The following ARHGAP20 variants were observed in gnomAD, a reference collection of about 807,000 sequenced individuals.
ARHGAP20 encodes Rho GTPase activating protein 20, also known as rho GTPase-activating protein 20.
In ARHGAP20, 34 loss-of-function variants were observed where a neutral mutation model predicts 73.7. The ratio of observed to expected loss-of-function variants is 0.46; its 90% CI spans 0.35 to 0.61. The LOEUF (loss-of-function observed/expected upper bound fraction) is 0.61. ARHGAP20 is among the 20% of genes least tolerant of loss of function. ARHGAP20 has a pLI of 0.00. For missense variants in ARHGAP20, 1,314 were observed against 1,420.9 expected, an observed-to-expected ratio of 0.92 and a Z score of 1.21; for synonymous variants, 523 against 518.2, an observed-to-expected ratio of 1.01 and a Z score of -0.13.
At chr11:110,667,938 G>A (rs1254922720) in intron 2 of ARHGAP20, among the ~76,000 whole-genome samples, 1 of 152,210 alleles carries the variant, frequency 6.6e-6, no homozygotes, top group African/African-American at 2.4e-5. Context: ...GGTAGAGAAA[G>A]TGGTTTCTTG....
At chr11:110,617,958 C>T (rs1210497615) in intron 4 of ARHGAP20, among the ~76,000 whole-genome samples, 4 of 152,002 alleles carry the variant, frequency 2.6e-5, no homozygotes, top group Admixed American at 6.6e-5. Context: ...GAGAGTGAGC[C>T]GGGAACCATA....
At chr11:110,606,506 G>T in intron 9 of ARHGAP20, 55 bp downstream of exon 9, 1 of 1,548,168 alleles carries the variant, frequency 6.5e-7, no homozygotes, top group Non-Finnish European at 8.7e-7. Context: ...TTGAGTCTTT[G>T]CCTTTGTACT....
chr11:110,688,367 T>C (rs1950177616), intron 2 of ARHGAP20, among the ~76,000 whole-genome samples: 1 of 151,930 alleles, frequency 6.6e-6, no homozygotes, highest in Non-Finnish European at 1.5e-5. Context: ...TGGAGTAGAT[T>C]GGGGGAAGAT....
chr11:110,590,713 A>T lies in ARHGAP20; in HGVS notation c.1240T>A (p.Leu414Met), dbSNP rs1410077409. The part of the protein sequence containing the change: ...VKSCRELKEK[L>M]NSGVEVHLDC... ...AGGTGTACTTCGACTCCAGAATTCA[A>T]TTTCTCTTTTAGTTCTCTGCAGGAT... Residue 414 changes from leucine (L) to methionine (M), a missense_variant, in exon 11 of 15, where the codon TTG becomes ATG. Coordinates refer to ENST00000683387, the MANE Select transcript of ARHGAP20 (RefSeq NM_001384657.1). The T allele has an allele frequency of 8.1e-6, 13 of 1,614,124 alleles. No homozygotes were observed. Among genetic ancestry groups the T allele is most frequent in the Non-Finnish European group, 1.1e-5 (13 of 1,180,004 alleles).
Position 110,590,699 on chromosome 11 carries a change from G to A in ARHGAP20, c.1254C>T (p.Val418=), listed in dbSNP as rs777649802. The A allele has an allele frequency of 5.6e-6, 9 of 1,613,882 alleles. No individual in the cohort carries two copies. The East Asian group carries it at 8.9e-5, about 16-fold the overall frequency. Residue 418 remains valine, a synonymous_variant, in exon 11 of 15, where the codon GTC becomes GTT. Transcript: ENST00000683387. The stretch of plus-strand genomic sequence containing the variant: ...TAGATTCACAGTCTAGGTGTACTTC[G>A]ACTCCAGAATTCAATTTCTCTTTTA... ...RELKEKLNSG[V]EVHLDCESIF...
chr11:110,664,660 G>A (rs1436020468), intron 2 of ARHGAP20, among the ~76,000 whole-genome samples: 2 of 150,512 alleles, frequency 1.3e-5, no homozygotes, highest in Admixed American at 6.6e-5. Context: ...CCCGGGAGGC[G>A]GAGCTTCCAG....
intron 1 of ARHGAP20, among the ~76,000 whole-genome samples, chr11:110,694,105 C>A (rs1324851235): frequency 6.6e-6 from 1 of 151,780 alleles, no homozygotes; most frequent in East Asian, 1.9e-4. Context: ...GTATCACTTA[C>A]CTAGTGTTAA....
At chr11:110,681,314 C>T (rs1328077238) in intron 2 of ARHGAP20, among the ~76,000 whole-genome samples, 2 of 152,016 alleles carry the variant, frequency 1.3e-5, no homozygotes, top group African/African-American at 4.8e-5. Flanking sequence ...GAAACCATAC[C>T]TAGGTATAGA....
At chr11:110,712,033 C>G in intron 1 of ARHGAP20, 94 bp downstream of exon 1, 1 of 1,243,432 alleles carries the variant, frequency 8.0e-7, no homozygotes, top group Non-Finnish European at 1.0e-6. Flanking sequence ...CCGCGGCGTC[C>G]GCCTAGCGCG....
intron 4 of ARHGAP20, among the ~76,000 whole-genome samples, chr11:110,621,452 C>CT (rs34514430): frequency 0.28 from 41,867 of 150,830 alleles, 5,881 homozygotes; most frequent in Admixed American, 0.36. Flanking sequence ...AAAATCTTTG[C>CT]TTTTTTTTTC....
At chr11:110,639,946 C>G (rs929169031) in intron 2 of ARHGAP20, among the ~76,000 whole-genome samples, 7 of 152,002 alleles carry the variant, frequency 4.6e-5, no homozygotes, top group African/African-American at 1.7e-4. Flanking sequence ...AGTACATACC[C>G]AGGAGTGGAA....
intron 9 of ARHGAP20, among the ~76,000 whole-genome samples, chr11:110,593,420 CAACTATA>C (rs1404249894): frequency 6.6e-6 from 1 of 152,090 alleles, no homozygotes; most frequent in African/African-American, 2.4e-5. Flanking sequence ...ACACAAGTAA[CAACTATA>C]AACTCTGGAA....
Position 110,578,990 on chromosome 11 carries a change from T to G in ARHGAP20, c.*380A>C. The G allele has an allele frequency of 1.0e-6, 1 of 993,414 alleles. No individual in the cohort carries two copies. Among genetic ancestry groups the G allele is most frequent in the Non-Finnish European group, 1.2e-6 (1 of 834,458 alleles). 61.5% of individuals were successfully genotyped at this position (993,414 alleles called of 1,614,324 possible). A position where few individuals can be genotyped will look rare whatever the true frequency, so the allele number is the denominator to read the frequency against. On this transcript the variant is annotated 3_prime_UTR_variant, in exon 15 of 15. Coordinates refer to ENST00000683387, the MANE Select transcript of ARHGAP20 (RefSeq NM_001384657.1). ...AGATGGTTTCTCTGTACCCTTCCCC[T>G]CTCTCCTCAGGCCCCTATTCCTCAT... is the stretch of plus-strand genomic sequence containing the variant.
At chr11:110,696,660 T>C (rs771437814) in intron 1 of ARHGAP20, among the ~76,000 whole-genome samples, 1 of 151,646 alleles carries the variant, frequency 6.6e-6, no homozygotes, top group Non-Finnish European at 1.5e-5. Flanking sequence ...GCTTCTAGCA[T>C]ATTCATTACC....
chr11:110,652,335 G>A (rs1038547792), intron 2 of ARHGAP20, among the ~76,000 whole-genome samples: 2 of 152,114 alleles, frequency 1.3e-5, no homozygotes, highest in African/African-American at 2.4e-5. Context: ...ACATGACAAT[G>A]ATATGCTCTC....
intron 2 of ARHGAP20, among the ~76,000 whole-genome samples, chr11:110,684,107 C>A (rs1950087146): frequency 6.6e-6 from 1 of 151,984 alleles, no homozygotes; most frequent in South Asian, 2.1e-4. Flanking sequence ...ATGTCTAATA[C>A]TTATATATAA....
chr11:110,580,069 C>A lies in ARHGAP20; in HGVS notation c.2877G>T (p.Gln959His). The change falls in exon 15 of 15, where the codon CAG becomes CAT. Residue 959 changes from glutamine to histidine, a missense_variant. Coordinates refer to ENST00000683387, the MANE Select transcript of ARHGAP20 (RefSeq NM_001384657.1). ...GTGTAAACACAGAGTGTTCAGAAAT[C>A]TGAGAAAAAGCACTGTCTTGGGAGC... ...SVSSQDSAFS[Q>H]ISEHSVFTPT... The A allele has an allele frequency of 6.2e-7, 1 of 1,614,126 alleles. No individual in the cohort carries two copies. The highest frequency in any genetic ancestry group is 8.5e-7 in the Non-Finnish European group (1 of 1,180,016).
intron 1 of ARHGAP20, among the ~76,000 whole-genome samples, chr11:110,692,711 A>G (rs2135121984): frequency 6.6e-6 from 1 of 152,226 alleles, no homozygotes; most frequent in African/African-American, 2.4e-5. Flanking sequence ...AGAGCCTATG[A>G]AACAGGATAA....
chr11:110,594,215 C>T (rs1388765827), intron 9 of ARHGAP20, among the ~76,000 whole-genome samples: 1 of 152,194 alleles, frequency 6.6e-6, no homozygotes, highest in Non-Finnish European at 1.5e-5. Context: ...CTACACATCA[C>T]TTCCTTGAAA....
Sources: gnomAD v4.1 joint callset for allele counts (sites outside exome capture counted in the v4.1 genomes callset) on GRCh38, gnomAD v4.1.1 for gene constraint, MANE v1.5 for transcripts, NCBI Gene and HGNC (gene_info 2026-07-23, HGNC 2026-07-21) for gene names.